Variants in ADGRL2 observed in about 807,000 individuals in gnomAD.
ADGRL2 encodes calcium-independent alpha-latrotoxin receptor 2.
In ADGRL2, 44 loss-of-function variants were observed where a neutral mutation model predicts 157.4. The ratio of observed to expected loss-of-function variants is 0.28; its 90% CI spans 0.22 to 0.36. The LOEUF is 0.36. Among genes scored for constraint, ADGRL2 ranks in the 10% least tolerant of loss-of-function variants. ADGRL2 has a pLI of 1.00. For missense variants in ADGRL2, 1,510 were observed against 1,768.9 expected (o/e 0.85, Z 2.63); for synonymous variants, 585 against 624.7 (o/e 0.94, Z 0.95).
rs192601711 is a variant in ADGRL2, at chr1:81,539,595, A to C, written c.-247-41281A>C. 1.2e-3 allele frequency among the ~76,000 whole-genome samples: 182 copies of C among 152,276 alleles called. 2 individuals are homozygous for C. The highest frequency in any genetic ancestry group is 6.2e-4 in the Non-Finnish European group (42 of 68,016). On this transcript the variant is annotated intron_variant, in intron 2 of 24. Transcript: ENST00000370721. ...GCATGTTATGAGTTTAGGCTGCTAT[A>C]ATAAAGGAACCCAAAACTGAACAGA...
chr1:81,707,914 C>T (rs1310833859), intron 1 of ADGRL2, among the ~76,000 whole-genome samples: 1 of 151,918 alleles, frequency 6.6e-6, no homozygotes, highest in Non-Finnish European at 1.5e-5. Flanking sequence ...CTGTGTTATC[C>T]AAGAGTTCTG....
chr1:81,326,398 T>C (rs564727878), intron 1 of ADGRL2, among the ~76,000 whole-genome samples: 1 of 152,312 alleles, frequency 6.6e-6, no homozygotes, highest in Admixed American at 6.5e-5. Context: ...TTGGTTCAAG[T>C]AGACTTTCAT....
At position 81,771,746 on chromosome 1, in the gene ADGRL2, A is replaced by G. The variant is rs1557638107; in HGVS notation, c.-101+9894A>G. Among the ~76,000 whole-genome samples the G allele has an allele frequency of 2.6e-5, 4 of 152,182 alleles. No homozygotes were observed. The South Asian group carries it at 8.3e-4, about 31-fold the overall frequency. On this transcript the variant is annotated intron_variant, in intron 2 of 20. Coordinates refer to the ADGRL2 transcript ENST00000359929. ...CCTATCCCTCTAAGAATTCTCACAG[A>G]TAAAATTCCAGGAGTATACGCCCAC...
intron 2 of ADGRL2, among the ~76,000 whole-genome samples, chr1:81,551,640 A>G (rs1479053208): frequency 6.6e-6 from 1 of 152,226 alleles, no homozygotes; most frequent in Admixed American, 6.5e-5. Context: ...ATAAGTGTAT[A>G]GTCTGCCTAT....
chr1:81,393,863 A>G (rs528665103), intron 1 of ADGRL2, among the ~76,000 whole-genome samples: 2 of 148,044 alleles, frequency 1.4e-5, no homozygotes, highest in South Asian at 2.1e-4. Context: ...TCCCAGAATG[A>G]GAGTAATTCA....
intron 1 of ADGRL2, among the ~76,000 whole-genome samples, chr1:81,745,901 A>G (rs1211173202): frequency 2.6e-5 from 4 of 152,188 alleles, no homozygotes; most frequent in Admixed American, 6.6e-5. Flanking sequence ...TATCTTATAA[A>G]ATGACTCGAG....
At chr1:81,655,859 A>C (rs534896493) in intron 3 of ADGRL2, among the ~76,000 whole-genome samples, 1 of 152,088 alleles carries the variant, frequency 6.6e-6, no homozygotes, top group Non-Finnish European at 1.5e-5. Flanking sequence ...TGCCATCTAC[A>C]GTAGAAACCA....
chr1:81,347,055 T>C (rs1662530414), intron 1 of ADGRL2, among the ~76,000 whole-genome samples: 3 of 152,304 alleles, frequency 2.0e-5, no homozygotes, highest in African/African-American at 7.2e-5. Flanking sequence ...GTTCATCTTC[T>C]TATTGAAGAT....
intron 2 of ADGRL2, among the ~76,000 whole-genome samples, chr1:81,484,102 A>G (rs1049172513): frequency 7.9e-5 from 12 of 152,180 alleles, no homozygotes; most frequent in East Asian, 7.7e-4. Context: ...CTACTTATAC[A>G]CACAAAATGT....
chr1:81,339,349 A>G (rs1661889688), intron 1 of ADGRL2, among the ~76,000 whole-genome samples: 1 of 152,204 alleles, frequency 6.6e-6, no homozygotes, highest in Non-Finnish European at 1.5e-5. Flanking sequence ...CTTGCTCTTA[A>G]GCATCATACC....
At chr1:81,615,367 G>A (rs1230645485) in intron 3 of ADGRL2, among the ~76,000 whole-genome samples, 1 of 152,214 alleles carries the variant, frequency 6.6e-6, no homozygotes, top group Admixed American at 6.5e-5. Context: ...TCTATGCTGT[G>A]GAAGCTTTGT....
At chr1:81,524,708 A>G (rs1385035439) in intron 2 of ADGRL2, among the ~76,000 whole-genome samples, 2 of 152,184 alleles carry the variant, frequency 1.3e-5, no homozygotes, top group Non-Finnish European at 2.9e-5. Context: ...GCAAAACAGT[A>G]TGTATAGCAT....
At chr1:81,399,382 C>T (rs547090140) in intron 1 of ADGRL2, among the ~76,000 whole-genome samples, 6 of 152,202 alleles carry the variant, frequency 3.9e-5, no homozygotes, top group South Asian at 2.1e-4. Flanking sequence ...TGCCTTTTTC[C>T]ATCTTTCTTC....
chr1:81,388,739 T>C (rs1485354961), intron 1 of ADGRL2, among the ~76,000 whole-genome samples: 1 of 152,132 alleles, frequency 6.6e-6, no homozygotes, highest in African/African-American at 2.4e-5. Flanking sequence ...CCCAGACCTA[T>C]CCCTGTGAGA....
intron 3 of ADGRL2, among the ~76,000 whole-genome samples, chr1:81,691,219 A>G (rs2083326042): frequency 6.6e-6 from 1 of 152,206 alleles, no homozygotes; most frequent in South Asian, 2.1e-4. Context: ...TTAAAGTGAA[A>G]GAAAGAGATT....
chr1:81,700,505 G>C (rs1038268663), intron 1 of ADGRL2, among the ~76,000 whole-genome samples: 1 of 152,076 alleles, frequency 6.6e-6, no homozygotes, highest in African/African-American at 2.4e-5. Context: ...TCAAAATTAA[G>C]ACCAAAACCG....
intron 3 of ADGRL2, among the ~76,000 whole-genome samples, chr1:81,692,186 C>G (rs2083355831): frequency 6.6e-6 from 1 of 151,968 alleles, no homozygotes; most frequent in Non-Finnish European, 1.5e-5. Flanking sequence ...GCGGGCAGAT[C>G]ACCTGAGGTC....
At chr1:81,356,826 G>A (rs1557623921) in intron 1 of ADGRL2, among the ~76,000 whole-genome samples, 1 of 151,692 alleles carries the variant, frequency 6.6e-6, no homozygotes, top group Non-Finnish European at 1.5e-5. Flanking sequence ...GGTGGTGGGA[G>A]CCTGTAGTCC....
intron 3 of ADGRL2, among the ~76,000 whole-genome samples, chr1:81,639,027 C>G (rs1208559101): frequency 2.6e-5 from 4 of 152,198 alleles, no homozygotes; most frequent in Non-Finnish European, 5.9e-5. Context: ...CAGCAAGACC[C>G]AAGACCCAAT....
Sources: allele counts gnomAD v4.1 joint callset (sites outside exome capture counted in the v4.1 genomes callset), GRCh38; gene constraint gnomAD v4.1.1; transcripts MANE v1.5; gene names NCBI Gene and HGNC (gene_info 2026-07-23, HGNC 2026-07-21).